Variants in STXBP4 observed in about 807,000 individuals in gnomAD.
The protein encoded by STXBP4 is syntaxin-binding protein 4.
A neutral mutation model predicts 76.1 loss-of-function variants in STXBP4; 55 were observed. The ratio of observed to expected loss-of-function variants is 0.72; its 90% CI spans 0.58 to 0.91. The LOEUF is 0.91. Ranked by LOEUF, STXBP4 falls within the 40% of genes least tolerant of loss-of-function variation. STXBP4 has a pLI of 0.00. For missense variants in STXBP4, 618 were observed against 636.9 expected (o/e 0.97, Z 0.32); for synonymous variants, 201 against 220.2 (o/e 0.91, Z 0.77).
chr17:55,206,221 T>A, the STXBP4 span, among the ~76,000 whole-genome samples: 1 of 152,148 alleles, frequency 6.6e-6, no homozygotes, highest in African/African-American at 2.4e-5. Context: ...TGTGTATGTG[T>A]GTGCAAGGGG....
chr17:55,025,662 T>G (rs1034943205), intron 8 of STXBP4, among the ~76,000 whole-genome samples: 1 of 152,224 alleles, frequency 6.6e-6, no homozygotes, highest in Non-Finnish European at 1.5e-5. Flanking sequence ...AACATTTATG[T>G]AAGCCTACTG....
rs2080405334 is a variant in STXBP4, at chr17:55,171,379, T to G, written c.*11468T>G. 6.6e-6 allele frequency: 1 copy of G among 152,206 alleles called. No individual in the cohort carries two copies. Among genetic ancestry groups the G allele is most frequent in the Admixed American group, 6.5e-5 (1 of 15,282 alleles). The allele number at this position is 152,206 out of a possible 1,614,324, so 9.4% of individuals were successfully genotyped here. A position where few individuals can be genotyped will look rare whatever the true frequency, so the allele number is the denominator to read the frequency against. ...TCATCAAGATTTTGCTTAGATATTC[T>G]TATTGAGGGGGAACTTACTAACTCC... On this transcript the variant is annotated 3_prime_UTR_variant, in exon 18 of 18. Coordinates refer to ENST00000376352, the MANE Select transcript of STXBP4 (RefSeq NM_178509.6).
At chr17:55,108,615 C>T (rs571389395) in intron 16 of STXBP4, among the ~76,000 whole-genome samples, 3 of 152,286 alleles carry the variant, frequency 2.0e-5, no homozygotes, top group East Asian at 1.9e-4. Flanking sequence ...TGGAATGCAC[C>T]GTTCCTCACG....
intron 16 of STXBP4, among the ~76,000 whole-genome samples, chr17:55,110,544 A>G (rs1293041859): frequency 6.6e-6 from 1 of 152,188 alleles, no homozygotes; most frequent in African/African-American, 2.4e-5. Context: ...GAGGTGGGGG[A>G]TATATGAACA....
chr17:55,097,452 A>T (rs1019923416), intron 16 of STXBP4, among the ~76,000 whole-genome samples: 20 of 152,194 alleles, frequency 1.3e-4, no homozygotes, highest in Admixed American at 9.8e-4. Context: ...TCACGAGGTC[A>T]GGAGATCGAG....
chr17:55,198,239 C>G, the STXBP4 span, among the ~76,000 whole-genome samples: 1 of 152,168 alleles, frequency 6.6e-6, no homozygotes, highest in Admixed American at 6.5e-5. Context: ...TTTCCATCTG[C>G]CACACAGAAA....
chr17:55,211,448 AT>A, the STXBP4 span, among the ~76,000 whole-genome samples: 2 of 152,156 alleles, frequency 1.3e-5, no homozygotes, highest in African/African-American at 2.4e-5. Context: ...TTTTTCAAAT[AT>A]GCAATTACTT....
At chr17:55,196,864 G>A in the STXBP4 span, among the ~76,000 whole-genome samples, 1 of 152,202 alleles carries the variant, frequency 6.6e-6, no homozygotes, top group Non-Finnish European at 1.5e-5. Context: ...AGTTGGATCT[G>A]CAGAATGACA....
chr17:55,058,654 C>A (rs903623778), intron 12 of STXBP4, among the ~76,000 whole-genome samples: 8 of 152,100 alleles, frequency 5.3e-5, no homozygotes, highest in Admixed American at 5.2e-4. Flanking sequence ...CTATTTTAAT[C>A]AATTGATCGT....
chr17:55,031,698 C>A lies in STXBP4; in HGVS notation c.763+434C>A, dbSNP rs370045847. Reference sequence around the variant, plus strand: ...TTGGTATGGGAGGGGAATTGTTTCCCGGACCCCTGCATATACCCAAATCCA... The same window carrying A: ...TTGGTATGGGAGGGGAATTGTTTCCAGGACCCCTGCATATACCCAAATCCA... On this transcript the variant is annotated intron_variant, in intron 9 of 17. Coordinates refer to ENST00000376352, the MANE Select transcript of STXBP4 (RefSeq NM_178509.6). Among the ~76,000 whole-genome samples the A allele has an allele frequency of 3.0e-4, 46 of 152,154 alleles. 1 individual carries two copies. The highest frequency in any genetic ancestry group is 6.8e-3 in the Middle Eastern group (2 of 294).
intron 17 of STXBP4, among the ~76,000 whole-genome samples, chr17:55,142,776 A>G (rs548682920): frequency 2.0e-5 from 3 of 152,344 alleles, no homozygotes; most frequent in East Asian, 3.9e-4. Context: ...AATCTCTAGC[A>G]TGAAGTGATT....
rs919016475 is a variant in STXBP4 at position 55,160,062 on chromosome 17, A to C, written c.*151A>C. 7.6e-6 allele frequency: 4 copies of C among 523,524 alleles called. No individual in the cohort carries two copies. The highest frequency in any genetic ancestry group is 1.9e-5 in the African/African-American group (1 of 51,544). 32.4% of individuals were successfully genotyped at this position (523,524 alleles called of 1,614,324 possible). ...ACTCTGGACTTTGGGTATTTTTGTA[A>C]AACTTTTGATATTTCTGTATACATT... On this transcript the variant is annotated 3_prime_UTR_variant, in exon 18 of 18. Coordinates refer to ENST00000376352, the MANE Select transcript of STXBP4 (RefSeq NM_178509.6).
Position 55,044,948 on chromosome 17 carries a change from T to A in STXBP4, c.945+1623T>A, listed in dbSNP as rs576145798. Among the ~76,000 whole-genome samples the A allele has an allele frequency of 2.9e-4, 44 of 152,210 alleles. 1 individual carries two copies. The highest frequency in any genetic ancestry group is 6.8e-3 in the Middle Eastern group (2 of 294). Reference sequence around the variant, plus strand: ...ACCAAATTCTTTTCAATAACTGTCCTATACATTAAATAGTTATTTGGCCAG... The same window carrying A: ...ACCAAATTCTTTTCAATAACTGTCCAATACATTAAATAGTTATTTGGCCAG... On this transcript the variant is annotated intron_variant, in intron 11 of 17. Coordinates refer to ENST00000376352, the MANE Select transcript of STXBP4 (RefSeq NM_178509.6).
intron 16 of STXBP4, among the ~76,000 whole-genome samples, chr17:55,130,751 G>C (rs968025633): frequency 6.6e-6 from 1 of 152,084 alleles, no homozygotes; most frequent in Admixed American, 6.5e-5. Context: ...TAGGTTTCAC[G>C]TATAAGTAGA....
intron 17 of STXBP4, among the ~76,000 whole-genome samples, chr17:55,147,406 C>G (rs979746090): frequency 3.9e-5 from 6 of 152,172 alleles, no homozygotes; most frequent in Non-Finnish European, 7.4e-5. Context: ...CTCGCTTGCC[C>G]GGAACTCACC....
intron 15 of STXBP4, 150 bp downstream of exon 15, chr17:55,078,885 G>A (rs956453914): frequency 9.9e-6 from 6 of 604,308 alleles, no homozygotes; most frequent in Admixed American, 7.1e-5. Context: ...TAGATGCAAG[G>A]ACATATTGTT....
intron 1 of STXBP4, among the ~76,000 whole-genome samples, chr17:54,976,356 A>G (rs1362082935): frequency 1.6e-4 from 25 of 152,258 alleles, no homozygotes; most frequent in Admixed American, 1.6e-3. Context: ...GATATTAATC[A>G]TTTCTTTGAA....
intron 12 of STXBP4, among the ~76,000 whole-genome samples, chr17:55,052,921 G>A (rs1319299442): frequency 6.8e-5 from 5 of 73,864 alleles, no homozygotes; most frequent in Non-Finnish European, 1.4e-4. Flanking sequence ...TATGACGTGT[G>A]TGTGTGTGTG....
At chr17:55,100,825 T>C (rs1197271913) in intron 16 of STXBP4, among the ~76,000 whole-genome samples, 4 of 152,320 alleles carry the variant, frequency 2.6e-5, no homozygotes, top group East Asian at 1.9e-4. Flanking sequence ...CATGACTATA[T>C]TGCATGAGAT....
Sources: allele counts gnomAD v4.1 joint callset (sites outside exome capture counted in the v4.1 genomes callset), GRCh38; gene constraint gnomAD v4.1.1; transcripts MANE v1.5; gene names NCBI Gene and HGNC (gene_info 2026-07-23, HGNC 2026-07-21).